Variants in SP1 observed in about 807,000 individuals in gnomAD.
The protein encoded by SP1 is Sp1 transcription factor, also known as transcription factor Sp1.
SP1 carries 6 observed loss-of-function variants against 66.3 expected under a neutral mutation model. The ratio of observed to expected loss-of-function variants is 0.09; its 90% CI spans 0.05 to 0.18. The LOEUF is 0.18. Ranked by LOEUF, SP1 falls within the 10% of genes least tolerant of loss-of-function variation. The probability of loss-of-function intolerance (pLI) is 1.00; values close to 1 mark genes in which losing one functional copy is unlikely to be tolerated. For synonymous variants in SP1, 417 were observed against 360.8 expected, an observed-to-expected ratio of 1.16 and a Z score of -1.77; for missense variants, 848 against 964.5, an observed-to-expected ratio of 0.88 and a Z score of 1.60.
In SP1 at chr12:53,412,713, GAGA is replaced by G. The variant is rs766545328; in HGVS notation, c.*1474_*1476del. 2.6e-5 allele frequency: 4 copies of G among 152,608 alleles called. No individual in the cohort carries two copies. The highest frequency in any genetic ancestry group is 4.4e-5 in the Non-Finnish European group (3 of 68,058). The allele number at this position is 152,608 out of a possible 1,614,324, so 9.5% of individuals were successfully genotyped here. On this transcript the variant is annotated 3_prime_UTR_variant, in exon 6 of 6. Coordinates refer to ENST00000327443, the MANE Select transcript of SP1 (RefSeq NM_138473.3). ...CTTGTCTTACCACAGTGTTTTATAG[GAGA>G]GATTGGGAGAAATCATCCTGTTTTC...
At position 53,416,348 on chromosome 12, in the gene SP1, A is replaced by AC. The variant is rs1396885962; in HGVS notation, c.*5109dup. ...ACCTTTTGTCTCTTGGTGTTTTGGG[A>AC]CTTTTTTTTTTTTTTTTTTGGCCTT... On this transcript the variant is annotated 3_prime_UTR_variant, in exon 6 of 6. Transcript: ENST00000327443. 3.0e-4 allele frequency: 25 copies of AC among 81,974 alleles called. No homozygotes were observed. Among genetic ancestry groups the AC allele is most frequent in the Admixed American group, 2.9e-3 (21 of 7,190 alleles). The allele number at this position is 81,974 out of a possible 1,614,324, so 5.1% of individuals were successfully genotyped here. A position where few individuals can be genotyped will look rare whatever the true frequency, so the allele number is the denominator to read the frequency against.
rs777375963 is a variant in SP1, at chr12:53,411,057, C to G, written c.2175C>G (p.Pro725=). The G allele has an allele frequency of 8.1e-6, 13 of 1,614,078 alleles. No homozygotes were observed. The highest frequency in any genetic ancestry group is 1.0e-5 in the Non-Finnish European group (12 of 1,180,004). ...PGVALSVGTL[P]LDSGAGSEGS... is the part of the protein sequence containing the mutation. Reference sequence around the variant, plus strand: ...TAGCTCTGAGTGTGGGCACTTTGCCCCTGGACAGTGGGGCAGGTTCAGAAG... The same window carrying G: ...TAGCTCTGAGTGTGGGCACTTTGCCGCTGGACAGTGGGGCAGGTTCAGAAG... Residue 725 remains proline (P), a synonymous_variant, in exon 6 of 6, where the codon CCC becomes CCG. Transcript: ENST00000327443.
chr12:53,402,970 G>GAA (rs1242818072), intron 3 of SP1, among the ~76,000 whole-genome samples: 3 of 145,374 alleles, frequency 2.1e-5, no homozygotes, highest in South Asian at 2.2e-4. Flanking sequence ...TTCCATCTCA[G>GAA]AAAAAAAAAA....
chr12:53,410,455 T>C (rs1938856107), intron 5 of SP1, among the ~76,000 whole-genome samples: 1 of 152,154 alleles, frequency 6.6e-6, no homozygotes, highest in African/African-American at 2.4e-5. Flanking sequence ...CCAACCTTTA[T>C]CTAGTTTTCT....
intron 3 of SP1, among the ~76,000 whole-genome samples, chr12:53,396,099 G>A (rs944635166): frequency 6.6e-6 from 1 of 151,890 alleles, no homozygotes; most frequent in Non-Finnish European, 1.5e-5. Context: ...CAGCCTGGGC[G>A]ACAGAGTGAG....
chr12:53,406,810 A>G, intron 4 of SP1, 57 bp downstream of exon 4: 2 of 1,455,296 alleles, frequency 1.4e-6, no homozygotes, highest in East Asian at 2.4e-5. Flanking sequence ...AGATTTGGAG[A>G]TAAGAGGAAG....
In SP1 at chr12:53,406,640, T is replaced by C. The variant is rs1488358609; in HGVS notation, c.1731T>C (p.Asp577=). ...LHGAGGDGIH[D]DTAGGEEGEN... ...GGGCTGGTGGTGATGGAATACATGA[T>C]GACACAGCAGGTGGAGAGGAAGGAG... Residue 577 remains aspartate (D), a synonymous_variant, in exon 4 of 6, where the codon GAT becomes GAC. Transcript: ENST00000327443. The C allele has an allele frequency of 3.1e-6, 5 of 1,613,840 alleles. No individual in the cohort carries two copies. In the African/African-American group the frequency reaches 5.3e-5, roughly 17 times the overall value.
intron 2 of SP1, 70 bp from the exon 3 acceptor site, chr12:53,382,040 G>C: frequency 6.9e-7 from 1 of 1,453,732 alleles, no homozygotes; most frequent in South Asian, 1.2e-5. Flanking sequence ...CTGTTTATTT[G>C]TTGTATACTG....
chr12:53,398,310 T>A (rs563055607), intron 3 of SP1, among the ~76,000 whole-genome samples: 1 of 152,066 alleles, frequency 6.6e-6, no homozygotes, highest in African/African-American at 2.4e-5. Context: ...TGAGACAGAG[T>A]CTCGCTCTGT....
At chr12:53,404,105 A>C (rs1458524340) in intron 3 of SP1, among the ~76,000 whole-genome samples, 1 of 151,684 alleles carries the variant, frequency 6.6e-6, no homozygotes. Flanking sequence ...TGGGAGGCGG[A>C]GCTTGCAGTG....
At chr12:53,410,543 C>T (rs1403911025) in intron 5 of SP1, among the ~76,000 whole-genome samples, 1 of 151,608 alleles carries the variant, frequency 6.6e-6, no homozygotes, top group Non-Finnish European at 1.5e-5. Context: ...GAGTCTCTGT[C>T]GCCCAGGCTG....
chr12:53,393,294 CTTTCTTTTT>C (rs990342367), intron 3 of SP1, among the ~76,000 whole-genome samples: 23 of 152,094 alleles, frequency 1.5e-4, no homozygotes, highest in Non-Finnish European at 2.8e-4. Context: ...TTTTTTCTTT[CTTTCTTTTT>C]TTTCTTTTTT....
intron 1 of SP1, among the ~76,000 whole-genome samples, chr12:53,380,996 G>T (rs1938084206): frequency 8.4e-6 from 1 of 119,212 alleles, no homozygotes. Flanking sequence ...TTGTTACCCA[G>T]ACTGGAATGC....
chr12:53,380,394 G>A, intron 1 of SP1, 96 bp downstream of exon 1: 1 of 1,115,720 alleles, frequency 9.0e-7, no homozygotes, highest in South Asian at 2.4e-5. Context: ...AGCGGGGGCG[G>A]GCGGGAGGCG....
At chr12:53,390,567 C>CA (rs1555197098) in intron 3 of SP1, among the ~76,000 whole-genome samples, 1 of 152,002 alleles carries the variant, frequency 6.6e-6, no homozygotes, top group African/African-American at 2.4e-5. Context: ...CCTGTAGTCC[C>CA]AGCTAGTCAG....
At chr12:53,390,982 T>A (rs952885385) in intron 3 of SP1, among the ~76,000 whole-genome samples, 2 of 152,216 alleles carry the variant, frequency 1.3e-5, no homozygotes, top group Non-Finnish European at 2.9e-5. Flanking sequence ...TGCTTTTTTT[T>A]ACCCTCTTTG....
Position 53,406,837 on chromosome 12 carries a change from T to C in SP1, c.1844+84T>C, listed in dbSNP as rs1938750450. The C allele has an allele frequency of 2.3e-6, 3 of 1,285,386 alleles. No homozygotes were observed. In the Admixed American group the frequency reaches 7.6e-5, roughly 33 times the overall value. 79.6% of individuals were successfully genotyped at this position (1,285,386 alleles called of 1,614,324 possible). The stretch of plus-strand genomic sequence containing the variant: ...AAGAGGAAGAAGATTAATTTTTTTT[T>C]TTTTTGAGACCGAGTCTGACTCTGT... On this transcript the variant is annotated intron_variant, in intron 4 of 5. Coordinates refer to ENST00000327443, the MANE Select transcript of SP1 (RefSeq NM_138473.3).
intron 3 of SP1, among the ~76,000 whole-genome samples, chr12:53,396,705 A>G (rs1310861155): frequency 1.3e-5 from 2 of 152,180 alleles, no homozygotes; most frequent in Admixed American, 1.3e-4. Context: ...CTGTTTCTGA[A>G]AGTTGCAGAC....
intron 1 of SP1, chr12:53,380,623 C>T (rs1266751200): frequency 2.0e-6 from 2 of 1,004,958 alleles, no homozygotes; most frequent in Non-Finnish European, 2.4e-6. Context: ...GCTGGAGCCG[C>T]GGGGGCGGCC....
Sources: gnomAD v4.1 joint callset for allele counts (sites outside exome capture counted in the v4.1 genomes callset) on GRCh38, gnomAD v4.1.1 for gene constraint, MANE v1.5 for transcripts, NCBI Gene and HGNC (gene_info 2026-07-23, HGNC 2026-07-21) for gene names.